The following CCNDBP1 variants were observed in gnomAD, a reference collection of about 807,000 sequenced individuals.
The protein encoded by CCNDBP1 is cyclin D1 binding protein 1.
In CCNDBP1, 45 loss-of-function variants were observed where a neutral mutation model predicts 46.2. That is an observed-to-expected ratio of 0.97 (90% confidence interval 0.77 to 1.25). The LOEUF is 1.25. Ranked by LOEUF, CCNDBP1 falls within the 50% of genes most tolerant of loss-of-function variation. CCNDBP1 has a pLI of 0.00. For missense variants in CCNDBP1, 436 were observed against 442.1 expected, an observed-to-expected ratio of 0.99 and a Z score of 0.12; for synonymous variants, 154 against 163.6, an observed-to-expected ratio of 0.94 and a Z score of 0.45.
rs2041954070 is a variant in CCNDBP1 at position 43,191,573 on chromosome 15, C to A, written c.758C>A (p.Ala253Asp). Residue 253 changes from alanine to aspartate, a missense_variant, in exon 8 of 11, where the codon GCC becomes GAC. Transcript: ENST00000300213. ...PCLALVRASK[A>D]CLKKIRMLVA... ...CTTGCGCTGGTGAGAGCATCCAAAGCCTGCCTGAAGAAAATTCGGATGTTA... is the reference window on the plus strand; with the variant it reads ...CTTGCGCTGGTGAGAGCATCCAAAGACTGCCTGAAGAAAATTCGGATGTTA... 6.2e-7 allele frequency: 1 copy of A among 1,613,846 alleles called. No individual in the cohort carries two copies. The highest frequency in any genetic ancestry group is 1.1e-5 in the South Asian group (1 of 91,082).
intron 4 of CCNDBP1, 36 bp downstream of exon 4, chr15:43,189,316 C>A: frequency 1.6e-6 from 2 of 1,262,782 alleles, no homozygotes; most frequent in Non-Finnish European, 2.3e-6. Context: ...TCGTGTAGAT[C>A]TTTGCTAATA....
chr15:43,187,750 C>T (rs931091815), intron 3 of CCNDBP1, among the ~76,000 whole-genome samples: 1 of 152,112 alleles, frequency 6.6e-6, no homozygotes, highest in Non-Finnish European at 1.5e-5. Flanking sequence ...AAGTAAGATA[C>T]CACAAGGAGG....
intron 2 of CCNDBP1, 58 bp downstream of exon 2, chr15:43,185,937 T>C (rs1232975350): frequency 4.0e-6 from 6 of 1,510,328 alleles, no homozygotes; most frequent in Non-Finnish European, 4.5e-6. Context: ...TCCCGACCCC[T>C]TTTCCTCCCG....
At chr15:43,191,131 T>G (rs2041942836) in intron 7 of CCNDBP1, 89 bp downstream of exon 7, 4 of 1,087,462 alleles carry the variant, frequency 3.7e-6, no homozygotes, top group Non-Finnish European at 5.6e-6. Flanking sequence ...ATTGACCAGA[T>G]AGGTCCCATT....
At chr15:43,185,909 G>GCCTCCTTCCGGGCTCCCCTTT in intron 2 of CCNDBP1, 30 bp downstream of exon 2, 1 of 1,598,676 alleles carries the variant, frequency 6.3e-7, no homozygotes, top group Non-Finnish European at 8.5e-7. Context: ...GGCTCCCCTT[G>GCCTCCTTCCGGGCTCCCCTTT]CCTCAGTTCC....
At chr15:43,194,352 A>C (rs2042010769) in intron 9 of CCNDBP1, 63 bp from the exon 10 acceptor site, 1 of 1,375,354 alleles carries the variant, frequency 7.3e-7, no homozygotes, top group African/African-American at 1.5e-5. Context: ...GTCTTTAAAA[A>C]TATTTGAACT....
At position 43,195,106 on chromosome 15, in the gene CCNDBP1, A is replaced by G. The variant is rs2042022173; in HGVS notation, c.*265A>G. On this transcript the variant is annotated 3_prime_UTR_variant, in exon 11 of 11. Transcript: ENST00000300213. ...GTCATTTCTCAGAGATTCCTAGGAA[A>G]GCTGCCTTATTCTCTTTTTGCAGTA... The G allele has an allele frequency of 3.1e-6, 1 of 326,890 alleles. No individual in the cohort carries two copies. Among genetic ancestry groups the G allele is most frequent in the Non-Finnish European group, 5.5e-6 (1 of 180,772 alleles). The allele number at this position is 326,890 out of a possible 1,614,324, so 20.2% of individuals were successfully genotyped here.
At chr15:43,189,982 G>A in intron 4 of CCNDBP1, 73 bp from the exon 5 acceptor site, 1 of 1,297,032 alleles carries the variant, frequency 7.7e-7, no homozygotes, top group Non-Finnish European at 1.1e-6. Flanking sequence ...GTTCTGTAAT[G>A]CTTAGACTCA....
At chr15:43,189,814 G>A in intron 4 of CCNDBP1, 1 of 513,738 alleles carries the variant, frequency 1.9e-6, no homozygotes, top group Non-Finnish European at 3.5e-6. Flanking sequence ...CTTAATGAAT[G>A]AATACATGGT....
intron 9 of CCNDBP1, chr15:43,194,019 A>G (rs1195719843): frequency 1.4e-5 from 2 of 145,462 alleles, no homozygotes; most frequent in Non-Finnish European, 2.4e-5. Context: ...TTATCCTTAT[A>G]TTGGTGTTCT....
At chr15:43,189,839 T>C (rs1387523048) in intron 4 of CCNDBP1, 1 of 539,866 alleles carries the variant, frequency 1.9e-6, no homozygotes, top group African/African-American at 1.9e-5. Context: ...CGGAAAGATT[T>C]TGTTCCAAAT....
chr15:43,190,539 G>A (rs1338767526), intron 6 of CCNDBP1, 141 bp downstream of exon 6: 1 of 625,926 alleles, frequency 1.6e-6, no homozygotes, highest in East Asian at 2.8e-5. Flanking sequence ...AAATTAATAG[G>A]TAGGTATTAA....
chr15:43,189,815 A>T lies in CCNDBP1; in HGVS notation c.332-240A>T, dbSNP rs1826398448. The T allele has an allele frequency of 7.7e-6, 4 of 518,210 alleles. No individual in the cohort carries two copies. In the Admixed American group the frequency reaches 1.4e-4, roughly 18 times the overall value. 32.1% of individuals were successfully genotyped at this position (518,210 alleles called of 1,614,324 possible). ...AAGAGATCACGGTCCTTAATGAATG[A>T]ATACATGGTGTCACGGAAAGATTTT... On this transcript the variant is annotated intron_variant, in intron 4 of 10. Coordinates refer to ENST00000300213, the MANE Select transcript of CCNDBP1 (RefSeq NM_012142.5).
chr15:43,190,211 G>T, intron 5 of CCNDBP1, 60 bp downstream of exon 5: 1 of 1,596,594 alleles, frequency 6.3e-7, no homozygotes, highest in Non-Finnish European at 8.6e-7. Flanking sequence ...GAGGGGAAAA[G>T]CTCATTTTAA....
rs1052209269 is a variant in CCNDBP1 at position 43,196,830 on chromosome 15, A to C, written c.*1989A>C. 8 of 238,960 alleles carry C rather than the reference A, an allele frequency of 3.3e-5. No homozygotes were observed. The highest frequency in any genetic ancestry group is 6.7e-5 in the Non-Finnish European group (8 of 120,048). The allele number at this position is 238,960 out of a possible 1,614,324, so 14.8% of individuals were successfully genotyped here. A position where few individuals can be genotyped will look rare whatever the true frequency, so the allele number is the denominator to read the frequency against. ...ACTCATTTATCTGATAAAGTGATGT[A>C]GTTTGGATATTCAACCCTGCAAACC... is the stretch of plus-strand genomic sequence containing the variant. On this transcript the variant is annotated 3_prime_UTR_variant, in exon 11 of 11. Coordinates refer to ENST00000300213, the MANE Select transcript of CCNDBP1 (RefSeq NM_012142.5).
Position 43,190,320 on chromosome 15 carries a change from C to T in CCNDBP1, c.429-5C>T, listed in dbSNP as rs1282212235. 6.2e-7 allele frequency: 1 copy of T among 1,613,948 alleles called. No homozygotes were observed. Among genetic ancestry groups the T allele is most frequent in the Non-Finnish European group, 8.5e-7 (1 of 1,179,934 alleles). Reference sequence around the variant, plus strand: ...TAATATATCCTTACTGATTTCTTTCCCCAGCCCTGAGAACAATGACCTTAT... The same window carrying T: ...TAATATATCCTTACTGATTTCTTTCTCCAGCCCTGAGAACAATGACCTTAT... On this transcript the variant is annotated splice_polypyrimidine_tract_variant and splice_region_variant and intron_variant, in intron 5 of 10. Coordinates refer to ENST00000300213, the MANE Select transcript of CCNDBP1 (RefSeq NM_012142.5).
intron 9 of CCNDBP1, among the ~76,000 whole-genome samples, chr15:43,193,526 A>AG (rs1432618953): frequency 6.6e-6 from 1 of 152,148 alleles, no homozygotes; most frequent in Non-Finnish European, 1.5e-5. Flanking sequence ...TAGACAAGGC[A>AG]GAAATAAGTG....
intron 3 of CCNDBP1, among the ~76,000 whole-genome samples, chr15:43,188,247 C>T (rs1468475732): frequency 1.3e-5 from 2 of 152,048 alleles, no homozygotes; most frequent in Non-Finnish European, 2.9e-5. Context: ...AAGCCAGTGA[C>T]CACCTAGAAG....
intron 3 of CCNDBP1, chr15:43,188,624 A>G (rs1276775317): frequency 2.0e-5 from 3 of 152,272 alleles, no homozygotes; most frequent in Non-Finnish European, 4.4e-5. Context: ...CTTGGGATAC[A>G]GAGTATCAGG....
Sources: gnomAD v4.1 joint callset for allele counts (sites outside exome capture counted in the v4.1 genomes callset) on GRCh38, gnomAD v4.1.1 for gene constraint, MANE v1.5 for transcripts, NCBI Gene and HGNC (gene_info 2026-07-23, HGNC 2026-07-21) for gene names.